TRIML1: variants seen among roughly 807,000 people sequenced by gnomAD.
TRIML1 encodes tripartite motif family like 1, also known as probable E3 ubiquitin-protein ligase TRIML1.
TRIML1 carries 34 observed loss-of-function variants against 32.3 expected under a neutral mutation model. The ratio of observed to expected loss-of-function variants is 1.05; its 90% CI spans 0.80 to 1.40. The LOEUF (loss-of-function observed/expected upper bound fraction) is 1.40, where lower values mean the gene tolerates loss of function less well. Among genes scored for constraint, TRIML1 ranks in the 40% most tolerant of loss-of-function variants. The pLI is 0.00. For missense variants in TRIML1, 595 were observed against 574.9 expected, an observed-to-expected ratio of 1.03 and a Z score of -0.36; for synonymous variants, 244 against 226.6, an observed-to-expected ratio of 1.08 and a Z score of -0.69.
At chr4:188,144,581 C>T (rs1003905863) in intron 5 of TRIML1, among the ~76,000 whole-genome samples, 1 of 149,094 alleles carries the variant, frequency 6.7e-6, no homozygotes, top group East Asian at 2.0e-4. Flanking sequence ...CCAGGATGGT[C>T]TCGATCTCCT....
At chr4:188,142,220 G>C in intron 2 of TRIML1, 32 bp from the exon 3 acceptor site, 1 of 1,074,534 alleles carries the variant, frequency 9.3e-7, no homozygotes, top group Non-Finnish European at 1.3e-6. Flanking sequence ...GTGTGTGTGT[G>C]TGTGTGTGTG....
At chr4:188,140,680 G>T in intron 2 of TRIML1, 57 bp downstream of exon 2, 1 of 1,232,256 alleles carries the variant, frequency 8.1e-7, no homozygotes, top group South Asian at 1.3e-5. Flanking sequence ...GGGACTAAAG[G>T]GAAATTTAGT....
rs758320113 is a variant in TRIML1 at position 188,139,528 on chromosome 4, G to A, written c.-31G>A. 1.2e-5 allele frequency: 18 copies of A among 1,545,496 alleles called. No individual in the cohort carries two copies. Among genetic ancestry groups the A allele is most frequent in the South Asian group, 1.0e-4 (8 of 79,938 alleles). On this transcript the variant is annotated 5_prime_UTR_variant, in exon 1 of 6. Coordinates refer to ENST00000332517, the MANE Select transcript of TRIML1 (RefSeq NM_178556.5). Reference sequence around the variant, plus strand: ...GCTTTGCTAATCCCAGAACAGAGGTGTAACCTGGCTGCATATCCAGCCTCG... The same window carrying A: ...GCTTTGCTAATCCCAGAACAGAGGTATAACCTGGCTGCATATCCAGCCTCG...
At chr4:188,149,112 G>T (rs1263247032), downstream of TRIML1, among the ~76,000 whole-genome samples, 3 of 151,180 alleles carry the variant, frequency 2.0e-5, no homozygotes, top group Non-Finnish European at 4.4e-5. Context: ...GTAGAGACGG[G>T]GTTTCACCGT....
intron 5 of TRIML1, among the ~76,000 whole-genome samples, chr4:188,146,135 G>A (rs1228341594): frequency 3.9e-5 from 6 of 152,186 alleles, no homozygotes; most frequent in Admixed American, 3.9e-4. Flanking sequence ...AAAGATAAGT[G>A]CTATTTTCTC....
chr4:188,138,826 T>C (rs998770285), upstream of TRIML1, among the ~76,000 whole-genome samples: 1 of 152,134 alleles, frequency 6.6e-6, no homozygotes, highest in Non-Finnish European at 1.5e-5. Context: ...CTTTCCAAGA[T>C]GGCAGATGGG....
Position 188,147,414 on chromosome 4 carries a change from C to G in TRIML1, c.*42C>G, listed in dbSNP as rs993595310. ...CGTCACAGCGGGCGATGTCTGAGAC[C>G]AAGACACAACTATTAAGACGATGAA... On this transcript the variant is annotated 3_prime_UTR_variant, in exon 6 of 6. Transcript: ENST00000332517. 4.2e-6 allele frequency: 6 copies of G among 1,429,234 alleles called. No homozygotes were observed. The highest frequency in any genetic ancestry group is 4.6e-6 in the Non-Finnish European group (5 of 1,089,092). The allele number at this position is 1,429,234 out of a possible 1,614,324, so 88.5% of individuals were successfully genotyped here. A position where few individuals can be genotyped will look rare whatever the true frequency, so the allele number is the denominator to read the frequency against.
chr4:188,139,706 C>T lies in TRIML1; in HGVS notation c.148C>T (p.Pro50Ser), dbSNP rs200213542. The T allele has an allele frequency of 4.1e-4, 664 of 1,613,918 alleles. 1 individual carries two copies. The highest frequency in any genetic ancestry group is 5.4e-4 in the Non-Finnish European group (635 of 1,180,036). ...LLRSWEEHNT[P>S]LSCPECWRTL... ...CAGGAGCTGGGAGGAACATAACACA[C>T]CTTTATCTTGTCCTGAGTGCTGGAG... The change falls in exon 1 of 6, where the codon CCT (proline) becomes TCT (serine). Residue 50 changes from proline (P) to serine (S), a missense_variant. By Grantham distance (74) the Pro-to-Ser change is moderately conservative (BLOSUM62 -1). Coordinates refer to ENST00000332517, the MANE Select transcript of TRIML1 (RefSeq NM_178556.5).
chr4:188,143,934 A>G lies in TRIML1; in HGVS notation c.758+74A>G. The stretch of plus-strand genomic sequence containing the variant: ...CTGATGGACAGTTCTGAGTGGGGAT[A>G]GGAGGTCTGCGCTGTTGCTGGGGGA... On this transcript the variant is annotated intron_variant, in intron 4 of 5. Coordinates refer to ENST00000332517, the MANE Select transcript of TRIML1 (RefSeq NM_178556.5). 4 of 1,608,896 alleles carry G rather than the reference A, an allele frequency of 2.5e-6. No individual in the cohort carries two copies. In the South Asian group the frequency reaches 4.4e-5, roughly 18 times the overall value.
Position 188,143,786 on chromosome 4 carries a change from C to T in TRIML1, c.736-52C>T, listed in dbSNP as rs1272434111. On this transcript the variant is annotated intron_variant, in intron 3 of 5. Transcript: ENST00000332517. ...GGACTGTATGCAAAATGAATTTCGT[C>T]TGTGTTATGATCAAAGCGCACCATG... is the stretch of plus-strand genomic sequence containing the variant. 1.9e-6 allele frequency: 3 copies of T among 1,609,894 alleles called. No individual in the cohort carries two copies. The African/African-American group carries it at 4.0e-5, about 22-fold the overall frequency.
At position 188,147,425 on chromosome 4, in the gene TRIML1, T is replaced by A. The variant is rs1735131548; in HGVS notation, c.*53T>A. 1 of 1,403,920 alleles carries A rather than the reference T, an allele frequency of 7.1e-7. No homozygotes were observed. Among genetic ancestry groups the A allele is most frequent in the Non-Finnish European group, 9.3e-7 (1 of 1,074,140 alleles). 87.0% of individuals were successfully genotyped at this position (1,403,920 alleles called of 1,614,324 possible). ...GCGATGTCTGAGACCAAGACACAAC[T>A]ATTAAGACGATGAAGGCATCGACAG... On this transcript the variant is annotated 3_prime_UTR_variant, in exon 6 of 6. Transcript: ENST00000332517.
chr4:188,143,719 C>T (rs72725001), intron 3 of TRIML1, 119 bp from the exon 4 acceptor site: 136,736 of 1,214,644 alleles, frequency 0.11, 10,545 homozygotes, highest in East Asian at 0.29. Flanking sequence ...TGCTCCCACT[C>T]ATGGTGTGCT....
chr4:188,147,610 C>T lies in TRIML1; in HGVS notation c.*238C>T, dbSNP rs551006318. 6.7e-5 allele frequency: 25 copies of T among 372,486 alleles called. No homozygotes were observed. Among genetic ancestry groups the T allele is most frequent in the South Asian group, 4.3e-4 (3 of 6,912 alleles). 23.1% of individuals were successfully genotyped at this position (372,486 alleles called of 1,614,324 possible). ...TTCTGTGTCTTTAAGTAAATGTATT[C>T]TCTGGGCTACCCCATGTGTGTGCTG... On this transcript the variant is annotated 3_prime_UTR_variant, in exon 6 of 6. Transcript: ENST00000332517.
rs767983141 is a variant in TRIML1, at chr4:188,146,896, G to A, written c.931G>A (p.Gly311Arg). The change falls in exon 6 of 6, where the codon GGG becomes AGG. Residue 311 changes from glycine to arginine, a missense_variant. Gly to Arg is a moderately radical substitution (Grantham distance 125, BLOSUM62 -2). Coordinates refer to ENST00000332517, the MANE Select transcript of TRIML1 (RefSeq NM_178556.5). The part of the protein sequence containing the change: ...LSEDLKSVKY[G>R]GSRQQLPDNP... Reference sequence around the variant, plus strand: ...GGAGGATCTGAAGAGTGTGAAATATGGGGGAAGCAGACAGCAGCTACCCGA... The same window carrying A: ...GGAGGATCTGAAGAGTGTGAAATATAGGGGAAGCAGACAGCAGCTACCCGA... 4 of 1,495,038 alleles carry A rather than the reference G, an allele frequency of 2.7e-6. No individual in the cohort carries two copies. Among genetic ancestry groups the A allele is most frequent in the Non-Finnish European group, 3.6e-6 (4 of 1,121,700 alleles). 92.6% of individuals were successfully genotyped at this position (1,495,038 alleles called of 1,614,324 possible). A position where few individuals can be genotyped will look rare whatever the true frequency, so the allele number is the denominator to read the frequency against.
chr4:188,143,974 T>C (rs61075538), intron 4 of TRIML1, 62 bp from the exon 5 acceptor site: 148,192 of 1,603,818 alleles, frequency 0.092, 8,515 homozygotes, highest in East Asian at 0.24. Context: ...TGAGGTGGAC[T>C]CTCCAGCTGG....
At chr4:188,141,555 T>C (rs1178676012) in intron 2 of TRIML1, among the ~76,000 whole-genome samples, 1 of 152,196 alleles carries the variant, frequency 6.6e-6, no homozygotes, top group African/African-American at 2.4e-5. Context: ...TGAATAAATA[T>C]TTGTTGAATA....
In TRIML1 at chr4:188,142,238, G is replaced by A. The variant is rs78828180; in HGVS notation, c.505-14G>A. ...TGTGTGTGTGTGTGTGTGTGTGTGTGTGTGTTTTGGCAGGAAGAAACAAAG... is the reference window on the plus strand; with the variant it reads ...TGTGTGTGTGTGTGTGTGTGTGTGTATGTGTTTTGGCAGGAAGAAACAAAG... On this transcript the variant is annotated splice_polypyrimidine_tract_variant and intron_variant, in intron 2 of 5. Transcript: ENST00000332517. 0.1 allele frequency: 122,684 copies of A among 1,188,300 alleles called. 6,321 individuals are homozygous for A. Among genetic ancestry groups the A allele is most frequent in the East Asian group, 0.24 (10,190 of 42,374 alleles). The allele number at this position is 1,188,300 out of a possible 1,614,324, so 73.6% of individuals were successfully genotyped here. A position where few individuals can be genotyped will look rare whatever the true frequency, so the allele number is the denominator to read the frequency against.
upstream of TRIML1, among the ~76,000 whole-genome samples, chr4:188,138,536 C>T (rs1734737299): frequency 6.6e-6 from 1 of 152,100 alleles, no homozygotes; most frequent in South Asian, 2.1e-4. Flanking sequence ...GCAGGGGACA[C>T]AGTGAATTTG....
At chr4:188,137,568 C>T (rs1320447172), upstream of TRIML1, among the ~76,000 whole-genome samples, 1 of 151,600 alleles carries the variant, frequency 6.6e-6, no homozygotes, top group Non-Finnish European at 1.5e-5. Context: ...ACCTCCACCT[C>T]CTGGGTTCAA....
Sources: allele counts gnomAD v4.1 joint callset (sites outside exome capture counted in the v4.1 genomes callset), GRCh38; gene constraint gnomAD v4.1.1; transcripts MANE v1.5; gene names NCBI Gene and HGNC (gene_info 2026-07-23, HGNC 2026-07-21).